IPO9: variants seen among roughly 807,000 people sequenced by gnomAD.
IPO9 encodes the protein importin-9.
Under a neutral mutation model 128.6 loss-of-function variants are expected in IPO9, and 28 were observed. That is an observed-to-expected ratio of 0.22 (90% CI 0.16 to 0.30). IPO9 has a LOEUF of 0.30. IPO9 is among the 10% of genes least tolerant of loss of function. The pLI is 1.00. For synonymous variants in IPO9, 455 were observed against 475.8 expected (o/e 0.96, Z 0.57); for missense variants, 935 against 1,293.9 (o/e 0.72, Z 4.26).
At chr1:201,863,633 A>T in intron 14 of IPO9, 26 bp downstream of exon 14, 1 of 1,552,300 alleles carries the variant, frequency 6.4e-7, no homozygotes, top group Non-Finnish European at 8.8e-7. Context: ...TAGCGTGATA[A>T]TTAAGGGAAA....
chr1:201,862,372 C>T (rs954885055), intron 13 of IPO9, among the ~76,000 whole-genome samples: 8 of 151,778 alleles, frequency 5.3e-5, no homozygotes, highest in Admixed American at 1.3e-4. Context: ...GCAGGAGAAT[C>T]GCTCGAACCC....
At chr1:201,864,935 CAG>C (rs1345071933) in intron 14 of IPO9, among the ~76,000 whole-genome samples, 1 of 152,190 alleles carries the variant, frequency 6.6e-6, no homozygotes, top group African/African-American at 2.4e-5. Context: ...AGAGATGTAA[CAG>C]ATATCTCTGT....
chr1:201,833,313 A>T (rs993069620), intron 1 of IPO9, among the ~76,000 whole-genome samples: 2 of 151,336 alleles, frequency 1.3e-5, no homozygotes, highest in Non-Finnish European at 2.9e-5. Flanking sequence ...ATCTCGGCTC[A>T]CTGCAACATC....
intron 10 of IPO9, 148 bp from the exon 11 acceptor site, chr1:201,856,948 A>G (rs1052490428): frequency 4.8e-6 from 3 of 628,798 alleles, no homozygotes; most frequent in African/African-American, 3.7e-5. Flanking sequence ...TGGCCTCCCA[A>G]AGTGTCAGGA....
intron 16 of IPO9, among the ~76,000 whole-genome samples, chr1:201,869,183 A>C (rs1342579422): frequency 6.6e-6 from 1 of 152,180 alleles, no homozygotes; most frequent in Admixed American, 6.5e-5. Context: ...CCCAGGAGGC[A>C]GAGGTTGCAG....
In IPO9 at chr1:201,869,547, C is replaced by G. The variant is rs766620714; in HGVS notation, c.2005-43C>G. On this transcript the variant is annotated intron_variant, in intron 16 of 23. Transcript: ENST00000361565. ...GATCTTGGTTGTTGGGCAACCCCCA[C>G]CCCAGAGGCAATTCTGACTTTTCTT... is the stretch of plus-strand genomic sequence containing the variant. The G allele has an allele frequency of 3.9e-5, 62 of 1,607,088 alleles. 1 individual carries two copies. In the South Asian group the frequency reaches 6.1e-4, roughly 16 times the overall value.
At chr1:201,864,429 A>G (rs1384694303) in intron 14 of IPO9, among the ~76,000 whole-genome samples, 2 of 152,244 alleles carry the variant, frequency 1.3e-5, no homozygotes, top group African/African-American at 2.4e-5. Context: ...TTTTTCAGAA[A>G]GCTCTAACAC....
rs1462030577 is a variant in IPO9, at chr1:201,878,135, A to G, written c.*2081A>G. 6.6e-6 allele frequency: 1 copy of G among 152,210 alleles called. No individual in the cohort carries two copies. The highest frequency in any genetic ancestry group is 1.5e-5 in the Non-Finnish European group (1 of 68,054). The allele number at this position is 152,210 out of a possible 1,614,324, so 9.4% of individuals were successfully genotyped here. On this transcript the variant is annotated 3_prime_UTR_variant, in exon 24 of 24. Coordinates refer to ENST00000361565, the MANE Select transcript of IPO9 (RefSeq NM_018085.5). ...TGTTCACAGTCGTCCCATGCCAGCCAGGTTCTGAGGCTAACTGCTTGTGCC... is the reference window on the plus strand; with the variant it reads ...TGTTCACAGTCGTCCCATGCCAGCCGGGTTCTGAGGCTAACTGCTTGTGCC...
At chr1:201,861,801 G>A (rs1680452300) in intron 13 of IPO9, among the ~76,000 whole-genome samples, 1 of 152,182 alleles carries the variant, frequency 6.6e-6, no homozygotes, top group African/African-American at 2.4e-5. Context: ...TACATTAGTG[G>A]CTAGACTATC....
At chr1:201,852,660 C>G (rs1198752208) in intron 5 of IPO9, among the ~76,000 whole-genome samples, 1 of 152,134 alleles carries the variant, frequency 6.6e-6, no homozygotes, top group Non-Finnish European at 1.5e-5. Context: ...TTTAACTTCC[C>G]TATTCCCCTC....
Position 201,869,724 on chromosome 1 carries a change from T to C in IPO9, c.2133+6T>C. The C allele has an allele frequency of 6.2e-7, 1 of 1,613,996 alleles. No individual in the cohort carries two copies. The highest frequency in any genetic ancestry group is 1.1e-5 in the South Asian group (1 of 91,048). On this transcript the variant is annotated splice_donor_region_variant and intron_variant, in intron 17 of 23. Coordinates refer to ENST00000361565, the MANE Select transcript of IPO9 (RefSeq NM_018085.5). ...ATGACAATGCCACCATGCAGGTATC[T>C]GAGACATGGAGAGTAGAAGAGGGAA...
chr1:201,841,455 A>G (rs1680034785), intron 1 of IPO9, among the ~76,000 whole-genome samples: 2 of 152,240 alleles, frequency 1.3e-5, no homozygotes, highest in African/African-American at 4.8e-5. Context: ...CATCTGGGCT[A>G]TCAGTCAGTA....
chr1:201,852,050 A>C, intron 4 of IPO9, 54 bp from the exon 5 acceptor site: 1 of 1,137,710 alleles, frequency 8.8e-7, no homozygotes, highest in South Asian at 1.3e-5. Flanking sequence ...ATCACACTTA[A>C]TATCTTTATG....
At position 201,863,452 on chromosome 1, in the gene IPO9, T is replaced by A. The variant is rs775481562; in HGVS notation, c.1473T>A (p.Ser491=). The part of the protein sequence containing the change: ...VILADLNLSV[S]PFLLGRALWA... Reference sequence around the variant, plus strand: ...ATTGTTCTGTCTTTCTCCCAGTGTCTCCTTTCCTCTTGGGCCGGGCACTTT... The same window carrying A: ...ATTGTTCTGTCTTTCTCCCAGTGTCACCTTTCCTCTTGGGCCGGGCACTTT... Residue 491 remains serine (S), a synonymous_variant, in exon 14 of 24, where the codon TCT becomes TCA. Transcript: ENST00000361565. 1.3e-5 allele frequency: 20 copies of A among 1,570,648 alleles called. No homozygotes were observed. In the Admixed American group the frequency reaches 3.0e-4, roughly 24 times the overall value.
rs1026397584 is a variant in IPO9 at position 201,859,050 on chromosome 1, G to C, written c.1468+56G>C. ...AACTCTTTAAACCTGTTGTGGGGTT[G>C]GGGGAGGGATCAGCATTAGGAGATA... is the stretch of plus-strand genomic sequence containing the variant. On this transcript the variant is annotated intron_variant, in intron 13 of 23. Transcript: ENST00000361565. The C allele has an allele frequency of 5.1e-6, 8 of 1,563,296 alleles. No individual in the cohort carries two copies. The African/African-American group carries it at 8.1e-5, about 16-fold the overall frequency.
In IPO9 at chr1:201,881,196, C is replaced by T. The variant is rs577182535; in HGVS notation, c.*5142C>T. ...GGAGAAGGCAACCCTTGAACACTTG[C>T]AAGGAGCTAACAATACCTGCTTCTG... is the stretch of plus-strand genomic sequence containing the variant. On this transcript the variant is annotated 3_prime_UTR_variant, in exon 24 of 24. Coordinates refer to ENST00000361565, the MANE Select transcript of IPO9 (RefSeq NM_018085.5). 2.6e-5 allele frequency: 4 copies of T among 152,282 alleles called. No homozygotes were observed. The highest frequency in any genetic ancestry group is 3.9e-4 in the East Asian group (2 of 5,188). The allele number at this position is 152,282 out of a possible 1,614,324, so 9.4% of individuals were successfully genotyped here.
chr1:201,847,616 G>A lies in IPO9; in HGVS notation c.290G>A (p.Arg97Lys). The A allele has an allele frequency of 6.2e-7, 1 of 1,613,572 alleles. No homozygotes were observed. Among genetic ancestry groups the A allele is most frequent in the South Asian group, 1.1e-5 (1 of 91,070 alleles). ...THWCAQSEKF[R>K]PPETTERAKI... is the part of the protein sequence containing the mutation. Reference sequence around the variant, plus strand: ...TGGTGTGCCCAATCAGAGAAATTTAGGCCTCCTGAAACTACAGAAAGGGTA... The same window carrying A: ...TGGTGTGCCCAATCAGAGAAATTTAAGCCTCCTGAAACTACAGAAAGGGTA... The change falls in exon 3 of 24, where the codon AGG becomes AAG. Residue 97 changes from arginine (R) to lysine (K), a missense_variant. Coordinates refer to ENST00000361565, the MANE Select transcript of IPO9 (RefSeq NM_018085.5).
chr1:201,850,394 T>TA (rs1680192408), intron 4 of IPO9: 1 of 152,238 alleles, frequency 6.6e-6, no homozygotes, highest in Non-Finnish European at 1.5e-5. Context: ...TTTTTCAAGA[T>TA]ACTATACCAG....
rs1009816923 is a variant in IPO9 at position 201,878,436 on chromosome 1, T to C, written c.*2382T>C. 4 of 152,596 alleles carry C rather than the reference T, an allele frequency of 2.6e-5. No individual in the cohort carries two copies. Among genetic ancestry groups the C allele is most frequent in the African/African-American group, 7.2e-5 (3 of 41,442 alleles). 9.5% of individuals were successfully genotyped at this position (152,596 alleles called of 1,614,324 possible). The stretch of plus-strand genomic sequence containing the variant: ...TGAGAATGATGGGGGTCCCTCTGCG[T>C]CTGCTAATTAGACAAACATTCTATA... On this transcript the variant is annotated 3_prime_UTR_variant, in exon 24 of 24. Transcript: ENST00000361565.
Sources: gnomAD v4.1 joint callset for allele counts (sites outside exome capture counted in the v4.1 genomes callset) on GRCh38, gnomAD v4.1.1 for gene constraint, MANE v1.5 for transcripts, NCBI Gene and HGNC (gene_info 2026-07-23, HGNC 2026-07-21) for gene names.